The following BMP7 variants were observed in gnomAD, a reference collection of about 807,000 sequenced individuals.
BMP7 encodes osteogenic protein 1.
Under a neutral mutation model 41.2 loss-of-function variants are expected in BMP7, and 12 were observed. The observed-to-expected ratio is 0.29, with a 90% CI of 0.19 to 0.47. The LOEUF (loss-of-function observed/expected upper bound fraction) is 0.47, where lower values mean the gene tolerates loss of function less well. Among genes scored for constraint, BMP7 ranks in the 20% least tolerant of loss-of-function variants. The pLI, the probability that BMP7 is intolerant of heterozygous loss-of-function variation, is 0.99. For missense variants in BMP7, 467 were observed against 606.0 expected (o/e 0.77, Z 2.41); for synonymous variants, 248 against 250.0 (o/e 0.99, Z 0.07).
chr20:57,238,843 C>A (rs948068787), intron 1 of BMP7, among the ~76,000 whole-genome samples: 2 of 152,096 alleles, frequency 1.3e-5, no homozygotes, highest in Non-Finnish European at 2.9e-5. Context: ...CCCTGATAAA[C>A]CCATCAGATC....
intron 3 of BMP7, among the ~76,000 whole-genome samples, chr20:57,185,635 T>C (rs1415988477): frequency 6.6e-6 from 1 of 152,218 alleles, no homozygotes; most frequent in East Asian, 1.9e-4. Context: ...AGCAGAGGTC[T>C]GGCCTAGGCT....
At position 57,173,326 on chromosome 20, in the gene BMP7, G is replaced by A; in HGVS notation, c.1036-16C>T. Reference sequence around the variant, plus strand: ...TGATCCAGTCCTGAGGAGGAGAAGAGAGTGTGGGAAACCATGCAGAAGGCC... The same window carrying A: ...TGATCCAGTCCTGAGGAGGAGAAGAAAGTGTGGGAAACCATGCAGAAGGCC... On this transcript the variant is annotated splice_polypyrimidine_tract_variant and intron_variant, in intron 5 of 6. Coordinates refer to ENST00000395863, the MANE Select transcript of BMP7 (RefSeq NM_001719.3). 1 of 1,611,184 alleles carries A rather than the reference G, an allele frequency of 6.2e-7. No homozygotes were observed. The highest frequency in any genetic ancestry group is 8.5e-7 in the Non-Finnish European group (1 of 1,177,520).
chr20:57,244,951 G>C (rs956123845), intron 1 of BMP7, among the ~76,000 whole-genome samples: 1 of 152,226 alleles, frequency 6.6e-6, no homozygotes. Flanking sequence ...GGTTCCATCA[G>C]CCTAAACTCA....
intron 1 of BMP7, among the ~76,000 whole-genome samples, chr20:57,234,687 A>G (rs2066041137): frequency 6.6e-6 from 1 of 152,206 alleles, no homozygotes; most frequent in African/African-American, 2.4e-5. Flanking sequence ...ACCATTCACC[A>G]TGAAAACCGC....
chr20:57,192,541 T>C (rs567303284), intron 3 of BMP7, among the ~76,000 whole-genome samples: 26 of 151,830 alleles, frequency 1.7e-4, no homozygotes, highest in African/African-American at 6.0e-4. Flanking sequence ...TATTTAAATG[T>C]CCCGGACAAG....
chr20:57,193,453 G>A (rs1189858701), intron 3 of BMP7, among the ~76,000 whole-genome samples: 1 of 152,140 alleles, frequency 6.6e-6, no homozygotes, highest in Non-Finnish European at 1.5e-5. Flanking sequence ...GGGAAACTCC[G>A]CTTTGTAGTC....
At chr20:57,181,525 A>G (rs892090568) in intron 4 of BMP7, among the ~76,000 whole-genome samples, 14 of 152,176 alleles carry the variant, frequency 9.2e-5, no homozygotes, top group Admixed American at 7.2e-4. Flanking sequence ...AAGAAAAAAG[A>G]AAAAGAAAAT....
chr20:57,175,851 G>A (rs1983912259), intron 4 of BMP7, among the ~76,000 whole-genome samples: 1 of 152,078 alleles, frequency 6.6e-6, no homozygotes. Context: ...GGCCCGGTGT[G>A]CTCTGACAAC....
chr20:57,240,141 G>A (rs890473331), intron 1 of BMP7, among the ~76,000 whole-genome samples: 2 of 152,120 alleles, frequency 1.3e-5, no homozygotes, highest in African/African-American at 4.8e-5. Flanking sequence ...TTTATGCTTT[G>A]TTTCCCTTTT....
At chr20:57,183,081 A>G (rs1984121741) in intron 4 of BMP7, among the ~76,000 whole-genome samples, 1 of 152,172 alleles carries the variant, frequency 6.6e-6, no homozygotes, top group Admixed American at 6.5e-5. Flanking sequence ...CTAAAAATAC[A>G]AAAATTAGCT....
intron 2 of BMP7, among the ~76,000 whole-genome samples, chr20:57,216,700 G>A (rs230205): frequency 0.66 from 99,922 of 151,974 alleles, 33,929 homozygotes; most frequent in African/African-American, 0.83. Flanking sequence ...AAAGTTCCCC[G>A]CAGAGCTCCC....
chr20:57,246,808 G>A (rs2066092286), intron 1 of BMP7, among the ~76,000 whole-genome samples: 1 of 152,178 alleles, frequency 6.6e-6, no homozygotes, highest in South Asian at 2.1e-4. Context: ...GGTCAACACG[G>A]TGAAACTCCA....
chr20:57,182,063 T>C (rs770225109), intron 4 of BMP7, among the ~76,000 whole-genome samples: 7 of 152,030 alleles, frequency 4.6e-5, no homozygotes, highest in Non-Finnish European at 8.8e-5. Flanking sequence ...CGGGATGGGA[T>C]TGGGGATGGG....
intron 3 of BMP7, among the ~76,000 whole-genome samples, chr20:57,195,959 G>A (rs1031080183): frequency 1.3e-5 from 2 of 152,176 alleles, no homozygotes; most frequent in African/African-American, 2.4e-5. Flanking sequence ...GACAGCCAGC[G>A]CTTACTGGAG....
At chr20:57,230,230 G>A (rs1033744573) in intron 1 of BMP7, among the ~76,000 whole-genome samples, 1 of 152,148 alleles carries the variant, frequency 6.6e-6, no homozygotes, top group South Asian at 2.1e-4. Context: ...CCCAATCTAT[G>A]GGACAGGCCA....
chr20:57,257,782 AC>A (rs1568732070), intron 1 of BMP7, among the ~76,000 whole-genome samples: 1 of 151,464 alleles, frequency 6.6e-6, no homozygotes, highest in African/African-American at 2.4e-5. Context: ...CTGAAAAAAA[AC>A]AGGAAAAGTG....
chr20:57,201,969 G>A (rs1300572166), intron 3 of BMP7, among the ~76,000 whole-genome samples: 1 of 152,172 alleles, frequency 6.6e-6, no homozygotes, highest in Non-Finnish European at 1.5e-5. Context: ...CTTGCACAAG[G>A]GCAATTTTGT....
chr20:57,217,055 G>T (rs1236121023), intron 2 of BMP7, among the ~76,000 whole-genome samples: 1 of 152,166 alleles, frequency 6.6e-6, no homozygotes. Context: ...GAACACCCAA[G>T]GGGAAAGGGA....
intron 1 of BMP7, among the ~76,000 whole-genome samples, chr20:57,253,269 G>C (rs907618925): frequency 1.3e-5 from 2 of 152,130 alleles, no homozygotes; most frequent in African/African-American, 4.8e-5. Flanking sequence ...CATTTTTAAG[G>C]GCTTCTCTCT....
Sources: gnomAD v4.1 joint callset for allele counts (sites outside exome capture counted in the v4.1 genomes callset) on GRCh38, gnomAD v4.1.1 for gene constraint, MANE v1.5 for transcripts, NCBI Gene and HGNC (gene_info 2026-07-23, HGNC 2026-07-21) for gene names.